Variants in LRRC4C observed in about 807,000 individuals in gnomAD.
The protein encoded by LRRC4C is leucine-rich repeat-containing protein 4C.
Under a neutral mutation model 33.6 loss-of-function variants are expected in LRRC4C, and 5 were observed. That is an observed-to-expected ratio of 0.15 (90% CI 0.08 to 0.31). LRRC4C has a LOEUF of 0.31. Ranked by LOEUF, LRRC4C falls within the 10% of genes least tolerant of loss-of-function variation. The pLI, the probability that LRRC4C is intolerant of heterozygous loss-of-function variation, is 1.00. For missense variants in LRRC4C, 560 were observed against 796.7 expected (o/e 0.70, Z 3.58); for synonymous variants, 329 against 302.0 (o/e 1.09, Z -0.93).
chr11:40,423,561 G>T (rs1379613321), intron 3 of LRRC4C, among the ~76,000 whole-genome samples: 1 of 151,816 alleles, frequency 6.6e-6, no homozygotes, highest in Non-Finnish European at 1.5e-5. Flanking sequence ...AGCCAGGATG[G>T]TCTCGATCTC....
At chr11:41,456,088 T>C (rs867360029) in intron 1 of LRRC4C, among the ~76,000 whole-genome samples, 1 of 152,176 alleles carries the variant, frequency 6.6e-6, no homozygotes, top group Non-Finnish European at 1.5e-5. Context: ...TCTGAAGTGA[T>C]GGAGAACAGT....
chr11:40,993,967 T>A (rs1182961183), intron 1 of LRRC4C, among the ~76,000 whole-genome samples: 1 of 151,964 alleles, frequency 6.6e-6, no homozygotes, highest in African/African-American at 2.4e-5. Context: ...TAAAAGCTAT[T>A]ATCCCCTTGC....
intron 1 of LRRC4C, among the ~76,000 whole-genome samples, chr11:41,240,787 G>A (rs1485879944): frequency 6.6e-6 from 1 of 152,018 alleles, no homozygotes; most frequent in Non-Finnish European, 1.5e-5. Flanking sequence ...TTGCAGAGAA[G>A]CACTTTCATT....
rs549086643 is a variant in LRRC4C, at chr11:40,394,541, T to G, written c.-269-74820A>C. Among the ~76,000 whole-genome samples the G allele has an allele frequency of 3.3e-5, 5 of 152,210 alleles. No individual in the cohort carries two copies. In the East Asian group the frequency reaches 9.7e-4, roughly 29 times the overall value. On this transcript the variant is annotated intron_variant, in intron 3 of 6. Coordinates refer to ENST00000528697, the MANE Select transcript of LRRC4C (RefSeq NM_001258419.2). ...GATTGCTGCTCAGACTTTGATATAT[T>G]CAGATAAAAAATAAAAACAACTGGA... is the stretch of plus-strand genomic sequence containing the variant.
chr11:40,198,952 T>A (rs1380163017), intron 5 of LRRC4C, among the ~76,000 whole-genome samples: 1 of 152,168 alleles, frequency 6.6e-6, no homozygotes, highest in Non-Finnish European at 1.5e-5. Flanking sequence ...AAATAACTGT[T>A]CTAGGTAGCA....
intron 6 of LRRC4C, among the ~76,000 whole-genome samples, chr11:40,119,698 C>G (rs946508679): frequency 5.3e-5 from 8 of 152,108 alleles, no homozygotes; most frequent in African/African-American, 1.4e-4. Flanking sequence ...TTCTGATGTT[C>G]TAACATTTGA....
At chr11:40,360,801 GA>G (rs1462585119) in intron 3 of LRRC4C, among the ~76,000 whole-genome samples, 1 of 152,044 alleles carries the variant, frequency 6.6e-6, no homozygotes, top group African/African-American at 2.4e-5. Context: ...AACAAAAAAA[GA>G]AAAGTTGAGG....
intron 1 of LRRC4C, among the ~76,000 whole-genome samples, chr11:41,027,046 C>A (rs751662078): frequency 9.2e-5 from 14 of 151,544 alleles, no homozygotes; most frequent in Non-Finnish European, 1.9e-4. Flanking sequence ...GCTTGTGAAG[C>A]ACATGAAGGC....
chr11:40,879,865 A>G (rs922672799), intron 2 of LRRC4C, among the ~76,000 whole-genome samples: 1 of 152,178 alleles, frequency 6.6e-6, no homozygotes, highest in African/African-American at 2.4e-5. Flanking sequence ...TTCCAAAGAC[A>G]GCCACCTGAA....
At chr11:41,280,162 G>A (rs1949617106) in intron 1 of LRRC4C, among the ~76,000 whole-genome samples, 1 of 152,112 alleles carries the variant, frequency 6.6e-6, no homozygotes, top group African/African-American at 2.4e-5. Flanking sequence ...TGAACATAAT[G>A]CTTATTTGTT....
At chr11:40,571,337 A>G (rs1295602146) in intron 3 of LRRC4C, among the ~76,000 whole-genome samples, 2 of 152,044 alleles carry the variant, frequency 1.3e-5, no homozygotes, top group East Asian at 3.9e-4. Context: ...TTAAATTTTT[A>G]GTTGTATTTT....
chr11:41,223,699 G>T (rs751058259), intron 1 of LRRC4C, among the ~76,000 whole-genome samples: 3 of 152,158 alleles, frequency 2.0e-5, no homozygotes, highest in African/African-American at 4.8e-5. Flanking sequence ...TCTAGTAAAG[G>T]CTGAGATGGC....
At chr11:40,176,140 T>C (rs570391625) in intron 5 of LRRC4C, among the ~76,000 whole-genome samples, 1 of 152,094 alleles carries the variant, frequency 6.6e-6, no homozygotes, top group East Asian at 1.9e-4. Context: ...AGGATGGGGG[T>C]GATACAAGGT....
intron 3 of LRRC4C, among the ~76,000 whole-genome samples, chr11:40,459,628 T>A (rs1952296118): frequency 6.6e-6 from 1 of 152,176 alleles, no homozygotes; most frequent in African/African-American, 2.4e-5. Context: ...AAAAGCTGCC[T>A]CTCTCCATTC....
chr11:40,644,760 A>T (rs1387802831), intron 3 of LRRC4C, among the ~76,000 whole-genome samples: 1 of 152,196 alleles, frequency 6.6e-6, no homozygotes, highest in Non-Finnish European at 1.5e-5. Context: ...TTAAGGGGGA[A>T]GTTAGAGATA....
intron 3 of LRRC4C, among the ~76,000 whole-genome samples, chr11:40,485,414 G>GT (rs1953807752): frequency 6.6e-6 from 1 of 151,658 alleles, no homozygotes. Context: ...TGTTTATTCT[G>GT]TTTTTTCTTT....
intron 1 of LRRC4C, among the ~76,000 whole-genome samples, chr11:41,193,168 T>C (rs747585790): frequency 3.9e-5 from 6 of 152,136 alleles, no homozygotes; most frequent in African/African-American, 1.4e-4. Context: ...AAGGTATGGA[T>C]GATGAGAACA....
At chr11:40,139,675 A>G (rs1431262511) in intron 6 of LRRC4C, among the ~76,000 whole-genome samples, 1 of 152,240 alleles carries the variant, frequency 6.6e-6, no homozygotes, top group Non-Finnish European at 1.5e-5. Context: ...AACCCAAGAC[A>G]GCACCAAAGT....
At chr11:40,712,034 A>T (rs1946492913) in intron 2 of LRRC4C, among the ~76,000 whole-genome samples, 1 of 152,176 alleles carries the variant, frequency 6.6e-6, no homozygotes, top group African/African-American at 2.4e-5. Context: ...GTACAAAATA[A>T]CCACATCTAA....
Sources: gnomAD v4.1 joint callset for allele counts (sites outside exome capture counted in the v4.1 genomes callset) on GRCh38, gnomAD v4.1.1 for gene constraint, MANE v1.5 for transcripts, NCBI Gene and HGNC (gene_info 2026-07-23, HGNC 2026-07-21) for gene names.